DRC11: variants seen among roughly 807,000 people sequenced by gnomAD.
The protein encoded by DRC11 is dynein regulatory complex subunit 11.
the DRC11 span, among the ~76,000 whole-genome samples, chr2:236,358,385 G>A: frequency 3.1e-5 from 4 of 128,078 alleles, no homozygotes; most frequent in Admixed American, 3.2e-4. Context: ...ATATATTTAT[G>A]ATATATGAAT....
the DRC11 span, among the ~76,000 whole-genome samples, chr2:236,335,248 A>C: frequency 1.4e-4 from 21 of 152,196 alleles, no homozygotes; most frequent in African/African-American, 4.8e-4. This position sits in a 1 kb window ranked among gnomAD's most constrained non-coding sequence, Gnocchi z 5.6. Context: ...TACTTTTGAT[A>C]GCTGCAAAGA....
At chr2:236,380,759 G>T in the DRC11 span, 1 of 714,622 alleles carries the variant, frequency 1.4e-6, no homozygotes, top group Non-Finnish European at 2.4e-6. The surrounding 1 kb of genome is among the most constrained non-coding windows in gnomAD (Gnocchi z 4.9). Context: ...TTGTGGTGGC[G>T]TGAACACAGA....
the DRC11 span, among the ~76,000 whole-genome samples, chr2:236,349,416 C>T: frequency 6.6e-6 from 1 of 152,034 alleles, no homozygotes; most frequent in South Asian, 2.1e-4. The surrounding 1 kb of genome is among the most constrained non-coding windows in gnomAD (Gnocchi z 5.5). Flanking sequence ...TTTTCAGTAC[C>T]TCTTAAGAAT....
the DRC11 span, among the ~76,000 whole-genome samples, chr2:236,500,085 TG>T: frequency 8.6e-6 from 1 of 116,948 alleles, no homozygotes; most frequent in African/African-American, 9.4e-5. The surrounding 1 kb of genome is among the most constrained non-coding windows in gnomAD (Gnocchi z 6.3). Context: ...TGGGTTCAGA[TG>T]ATGATGATGA....
the DRC11 span, among the ~76,000 whole-genome samples, chr2:236,338,582 G>C: frequency 6.6e-6 from 1 of 152,196 alleles, no homozygotes; most frequent in African/African-American, 2.4e-5. Context: ...AATTGTCAGT[G>C]TTTCCTTTCC....
the DRC11 span, chr2:236,392,126 G>T: frequency 1.3e-6 from 2 of 1,570,638 alleles, no homozygotes; most frequent in Non-Finnish European, 1.8e-6. The surrounding 1 kb of genome is among the most constrained non-coding windows in gnomAD (Gnocchi z 5.1). Flanking sequence ...CTTGTGTTTT[G>T]TTTGTGAAGT....
At chr2:236,321,510 A>T in the DRC11 span, among the ~76,000 whole-genome samples, 30 of 152,198 alleles carry the variant, frequency 2.0e-4, no homozygotes, top group African/African-American at 5.3e-4. Context: ...ACACCCACTC[A>T]CACACAAAGC....
chr2:236,380,373 G>A, the DRC11 span, among the ~76,000 whole-genome samples: 3 of 152,192 alleles, frequency 2.0e-5, no homozygotes, highest in African/African-American at 7.2e-5. This position sits in a 1 kb window ranked among gnomAD's most constrained non-coding sequence, Gnocchi z 4.9. Flanking sequence ...AGCCATGGGG[G>A]TCCAGGTTTG....
the DRC11 span, among the ~76,000 whole-genome samples, chr2:236,492,684 G>A: frequency 6.6e-6 from 1 of 152,206 alleles, no homozygotes; most frequent in Non-Finnish European, 1.5e-5. Flanking sequence ...TTACTGAAAT[G>A]TATAGGCAGA....
the DRC11 span, among the ~76,000 whole-genome samples, chr2:236,322,392 AC>A: frequency 1.4e-5 from 2 of 146,950 alleles, no homozygotes; most frequent in Admixed American, 1.3e-4. Context: ...CCGCCACCCC[AC>A]CCGGCTAATT....
At chr2:236,369,829 G>T in the DRC11 span, among the ~76,000 whole-genome samples, 1 of 152,076 alleles carries the variant, frequency 6.6e-6, no homozygotes, top group Non-Finnish European at 1.5e-5. The surrounding 1 kb of genome is among the most constrained non-coding windows in gnomAD (Gnocchi z 4.5). Flanking sequence ...CAGCATTCCC[G>T]GCACAGACAT....
chr2:236,319,743 A>T, the DRC11 span, among the ~76,000 whole-genome samples: 1 of 152,210 alleles, frequency 6.6e-6, no homozygotes, highest in African/African-American at 2.4e-5. The surrounding 1 kb of genome is among the most constrained non-coding windows in gnomAD (Gnocchi z 6.7). Context: ...GGGTGATTAT[A>T]TAGGCGCTAG....
At chr2:236,392,005 G>T in the DRC11 span, 614 of 1,613,790 alleles carry the variant, frequency 3.8e-4, 1 homozygote, top group Non-Finnish European at 5.8e-5. This position sits in a 1 kb window ranked among gnomAD's most constrained non-coding sequence, Gnocchi z 5.1. Flanking sequence ...GCTTTCACTG[G>T]GCGCTCCCTT....
chr2:236,356,325 G>A, the DRC11 span, among the ~76,000 whole-genome samples: 5 of 152,266 alleles, frequency 3.3e-5, no homozygotes, highest in Admixed American at 1.3e-4. Flanking sequence ...CTGGCAAGGC[G>A]GATACAGGAA....
At chr2:236,314,951 A>C in the DRC11 span, among the ~76,000 whole-genome samples, 2 of 152,208 alleles carry the variant, frequency 1.3e-5, no homozygotes, top group Non-Finnish European at 2.9e-5. This position sits in a 1 kb window ranked among gnomAD's most constrained non-coding sequence, Gnocchi z 4.5. Context: ...CTGATTATAA[A>C]TTCCTTTAGA....
the DRC11 span, among the ~76,000 whole-genome samples, chr2:236,372,933 G>T: frequency 2.6e-5 from 4 of 152,034 alleles, no homozygotes; most frequent in African/African-American, 7.2e-5. The surrounding 1 kb of genome is among the most constrained non-coding windows in gnomAD (Gnocchi z 4.5). Flanking sequence ...CATTTTTTCT[G>T]TTCCTTTGCT....
the DRC11 span, among the ~76,000 whole-genome samples, chr2:236,382,678 T>C: frequency 6.6e-6 from 1 of 152,186 alleles, no homozygotes; most frequent in South Asian, 2.1e-4. Flanking sequence ...TTTACACATA[T>C]GTATTTCATT....
At chr2:236,326,003 A>G in the DRC11 span, among the ~76,000 whole-genome samples, 1 of 152,148 alleles carries the variant, frequency 6.6e-6, no homozygotes, top group Admixed American at 6.6e-5. Flanking sequence ...TACTTTGTAG[A>G]TATTATTTCA....
the DRC11 span, chr2:236,488,158 C>A: frequency 1.9e-6 from 3 of 1,604,816 alleles, no homozygotes; most frequent in Non-Finnish European, 2.5e-6. Flanking sequence ...AATTTAACAG[C>A]CTCATCGAAA....
Sources: allele counts gnomAD v4.1 joint callset (sites outside exome capture counted in the v4.1 genomes callset), GRCh38; gene constraint gnomAD v4.1.1; non-coding constraint Gnocchi (gnomAD v3.1); transcripts MANE v1.5; gene names NCBI Gene and HGNC (gene_info 2026-07-23, HGNC 2026-07-21).